The following ASXL3 variants were observed in gnomAD, a reference collection of about 807,000 sequenced individuals.
ASXL3 encodes the protein putative Polycomb group protein ASXL3.
Under a neutral mutation model 170.6 loss-of-function variants are expected in ASXL3, and 34 were observed. The ratio of observed to expected loss-of-function variants is 0.20; its 90% CI spans 0.15 to 0.27. The LOEUF (loss-of-function observed/expected upper bound fraction) is 0.27, where lower values mean the gene tolerates loss of function less well. ASXL3 is among the 10% of genes least tolerant of loss of function. The probability of loss-of-function intolerance (pLI) is 1.00; values close to 1 mark genes in which losing one functional copy is unlikely to be tolerated. For synonymous variants in ASXL3, 1,002 were observed against 989.1 expected, an observed-to-expected ratio of 1.01 and a Z score of -0.24; for missense variants, 2,592 against 2,695.3, an observed-to-expected ratio of 0.96 and a Z score of 0.85.
chr18:33,683,323 T>C lies in ASXL3; in HGVS notation c.716-82T>C. The C allele has an allele frequency of 7.5e-6, 9 of 1,199,310 alleles. No individual in the cohort carries two copies. The South Asian group carries it at 1.4e-4, about 19-fold the overall frequency. The allele number at this position is 1,199,310 out of a possible 1,614,324, so 74.3% of individuals were successfully genotyped here. A position where few individuals can be genotyped will look rare whatever the true frequency, so the allele number is the denominator to read the frequency against. On this transcript the variant is annotated intron_variant, in intron 7 of 11. Coordinates refer to ENST00000269197, the MANE Select transcript of ASXL3 (RefSeq NM_030632.3). ...ATTGAATATACATGTTCACTAGATA[T>C]ATGTGGCTGTGTTTGTGTGTACGTA...
At chr18:33,738,433 T>G in intron 10 of ASXL3, 54 bp from the exon 11 acceptor site, 1 of 1,489,846 alleles carries the variant, frequency 6.7e-7, no homozygotes, top group Non-Finnish European at 9.0e-7. Flanking sequence ...AGATCCCAGT[T>G]GTACCTTTTA....
chr18:33,746,335 A>C lies in ASXL3; in HGVS notation c.6487A>C (p.Ser2163Arg). The change falls in exon 12 of 12, where the codon AGT (serine) becomes CGT (arginine). Residue 2163 changes from serine (S) to arginine (R), a missense_variant. Around this residue, in one of 4 missense-constraint regions of ASXL3, gnomAD observed 2,246 missense variants for 2,219.6 expected, o/e 1.01. Transcript: ENST00000269197. ...TCCAACAATACACTTTGGTAGCACG[A>C]GTTTCAAAAGGGCAGCATCTGCAAT... ...NYPTIHFGST[S>R]FKRAASAIEK... is the part of the protein sequence containing the mutation. The C allele has an allele frequency of 1.2e-6, 2 of 1,614,002 alleles. No individual in the cohort carries two copies. Among genetic ancestry groups the C allele is most frequent in the Non-Finnish European group, 1.7e-6 (2 of 1,179,886 alleles).
Position 33,744,453 on chromosome 18 carries a change from C to T in ASXL3, c.4605C>T (p.His1535=). 2 of 1,613,618 alleles carry T rather than the reference C, an allele frequency of 1.2e-6. No homozygotes were observed. The highest frequency in any genetic ancestry group is 8.5e-7 in the Non-Finnish European group (1 of 1,179,826). The change falls in exon 12 of 12, where the codon CAC becomes CAT. Residue 1535 remains histidine (H), a synonymous_variant. Transcript: ENST00000269197. ...CAGTTGCCAACGAAGGTATAGATCA[C>T]AGTTCCACTTTCATTGCTGCTTCGG... The part of the protein sequence containing the change: ...PEPVANEGID[H]SSTFIAASAA...
At chr18:33,713,243 G>GT (rs1568343444) in intron 8 of ASXL3, among the ~76,000 whole-genome samples, 19 of 45,484 alleles carry the variant, frequency 4.2e-4, no homozygotes, top group African/African-American at 1.5e-3. Context: ...TTTTTGTTTT[G>GT]TTTTGTTTTT....
At chr18:33,645,152 GAAT>G in intron 3 of ASXL3, 150 bp downstream of exon 3, 6 of 486,228 alleles carry the variant, frequency 1.2e-5, no homozygotes, top group Non-Finnish European at 3.6e-6. Context: ...TTCATATTAA[GAAT>G]AAACAATGAC....
rs2067630329 is a variant in ASXL3 at position 33,740,037 on chromosome 18, C to T, written c.2633C>T (p.Pro878Leu). The change falls in exon 11 of 12, where the codon CCT becomes CTT. Residue 878 changes from proline (P) to leucine (L), a missense_variant. Around this residue, in one of 4 missense-constraint regions of ASXL3, gnomAD observed 2,246 missense variants for 2,219.6 expected, o/e 1.01. Coordinates refer to ENST00000269197, the MANE Select transcript of ASXL3 (RefSeq NM_030632.3). ...CAAAGAACAGAAAAAAAAGTGTTAC[C>T]TTCACCATTGGAATTATCTGTCTTT... ...VLQRTEKKVL[P>L]SPLELSVFSE... 5.6e-6 allele frequency: 9 copies of T among 1,613,698 alleles called. No individual in the cohort carries two copies. Among genetic ancestry groups the T allele is most frequent in the African/African-American group, 1.3e-5 (1 of 74,878 alleles).
intron 7 of ASXL3, among the ~76,000 whole-genome samples, chr18:33,680,725 T>A (rs1017520666): frequency 3.3e-5 from 5 of 151,984 alleles, no homozygotes; most frequent in Non-Finnish European, 4.4e-5. Context: ...AATAATATAT[T>A]TTTTTACCTT....
chr18:33,678,212 G>A (rs1321345082), intron 7 of ASXL3, among the ~76,000 whole-genome samples: 1 of 152,056 alleles, frequency 6.6e-6, no homozygotes. Flanking sequence ...ACAGGAATGA[G>A]CCACTACACC....
intron 1 of ASXL3, among the ~76,000 whole-genome samples, chr18:33,592,937 C>A (rs189247796): frequency 5.3e-5 from 8 of 152,176 alleles, no homozygotes; most frequent in Admixed American, 5.2e-4. Flanking sequence ...TGTATTCCGT[C>A]TTAAGATAAT....
At chr18:33,686,485 G>A (rs959347072) in intron 8 of ASXL3, among the ~76,000 whole-genome samples, 14 of 152,306 alleles carry the variant, frequency 9.2e-5, no homozygotes, top group Non-Finnish European at 1.8e-4. Flanking sequence ...TATTGGAGAA[G>A]ATTTTTATAG....
At chr18:33,669,483 A>G (rs895269890) in intron 5 of ASXL3, among the ~76,000 whole-genome samples, 1 of 152,222 alleles carries the variant, frequency 6.6e-6, no homozygotes, top group Non-Finnish European at 1.5e-5. Context: ...TCTTATCTGA[A>G]TAAGTTGTCT....
At chr18:33,714,593 C>T (rs542841272) in intron 8 of ASXL3, among the ~76,000 whole-genome samples, 1 of 152,272 alleles carries the variant, frequency 6.6e-6, no homozygotes, top group African/African-American at 2.4e-5. Context: ...TCTTATTGCT[C>T]TCGTATTTCC....
chr18:33,720,913 C>T (rs939836507), intron 8 of ASXL3, among the ~76,000 whole-genome samples: 11 of 152,042 alleles, frequency 7.2e-5, no homozygotes, highest in African/African-American at 2.4e-4. Flanking sequence ...ATTGTTTTAA[C>T]TAATATTGAA....
In ASXL3 at chr18:33,745,190, C is replaced by T. The variant is rs1439910378; in HGVS notation, c.5342C>T (p.Pro1781Leu). ...CTTGAAATCAACAGGCTTCCATTGCCTCTTCAAACTACCTCAGTGGGTAAA... is the reference window on the plus strand; with the variant it reads ...CTTGAAATCAACAGGCTTCCATTGCTTCTTCAAACTACCTCAGTGGGTAAA... The part of the protein sequence containing the change: ...AKLEINRLPL[P>L]LQTTSVGKTA... The change falls in exon 12 of 12, where the codon CCT (proline) becomes CTT (leucine). Residue 1781 changes from proline (P) to leucine (L), a missense_variant. Pro to Leu is a moderately conservative substitution (Grantham distance 98, BLOSUM62 -3). Around this residue, in one of 4 missense-constraint regions of ASXL3, gnomAD observed 2,246 missense variants for 2,219.6 expected, o/e 1.01. Coordinates refer to ENST00000269197, the MANE Select transcript of ASXL3 (RefSeq NM_030632.3). 6.2e-7 allele frequency: 1 copy of T among 1,614,028 alleles called. No individual in the cohort carries two copies. Among genetic ancestry groups the T allele is most frequent in the South Asian group, 1.1e-5 (1 of 91,088 alleles).
At chr18:33,725,108 G>A (rs2145380684) in intron 8 of ASXL3, among the ~76,000 whole-genome samples, 1 of 152,162 alleles carries the variant, frequency 6.6e-6, no homozygotes, top group East Asian at 1.9e-4. Context: ...TAGACTACAA[G>A]GGCACTGGGT....
intron 8 of ASXL3, among the ~76,000 whole-genome samples, chr18:33,730,515 A>G (rs1021043202): frequency 6.6e-6 from 1 of 152,194 alleles, no homozygotes; most frequent in African/African-American, 2.4e-5. Flanking sequence ...ACCACACTGC[A>G]GAGGATAGTG....
chr18:33,644,829 A>G lies in ASXL3; in HGVS notation c.138-65A>G, dbSNP rs539657726. 8.6e-5 allele frequency: 85 copies of G among 991,702 alleles called. 1 individual carries two copies. The East Asian group carries it at 2.3e-3, about 27-fold the overall frequency. 61.4% of individuals were successfully genotyped at this position (991,702 alleles called of 1,614,324 possible). On this transcript the variant is annotated intron_variant, in intron 2 of 11. Coordinates refer to ENST00000269197, the MANE Select transcript of ASXL3 (RefSeq NM_030632.3). ...TTAAGAGAGAGCGAGCGAGACTCAG[A>G]GAACAGTTTTGCAATAGAAGCTGTA...
intron 2 of ASXL3, among the ~76,000 whole-genome samples, chr18:33,643,684 T>C (rs1204471586): frequency 2.6e-5 from 4 of 151,880 alleles, no homozygotes; most frequent in Non-Finnish European, 5.9e-5. Context: ...TGGTGAGTTT[T>C]CATTATAAGT....
chr18:33,598,565 G>A (rs1022871891), intron 1 of ASXL3, among the ~76,000 whole-genome samples: 1 of 152,084 alleles, frequency 6.6e-6, no homozygotes, highest in Non-Finnish European at 1.5e-5. Flanking sequence ...CCATAAAATT[G>A]GGACAATGTT....
Sources: allele counts gnomAD v4.1 joint callset (sites outside exome capture counted in the v4.1 genomes callset), GRCh38; gene constraint gnomAD v4.1.1; regional missense constraint gnomAD v4.1.1; transcripts MANE v1.5; gene names NCBI Gene and HGNC (gene_info 2026-07-23, HGNC 2026-07-21).